The following FER1L6 variants were observed in gnomAD, a reference collection of about 807,000 sequenced individuals.
The protein encoded by FER1L6 is fer-1 like family member 6.
FER1L6 carries 177 observed loss-of-function variants against 219.2 expected under a neutral mutation model. The ratio of observed to expected loss-of-function variants is 0.81; its 90% CI spans 0.71 to 0.91. The LOEUF is 0.91. Ranked by LOEUF, FER1L6 falls within the 40% of genes least tolerant of loss-of-function variation. The probability of loss-of-function intolerance (pLI) is 0.00; values close to 1 mark genes in which losing one functional copy is unlikely to be tolerated. For synonymous variants in FER1L6, 768 were observed against 824.3 expected, an observed-to-expected ratio of 0.93 and a Z score of 1.17; for missense variants, 2,153 against 2,259.9, an observed-to-expected ratio of 0.95 and a Z score of 0.96.
At chr8:123,943,743 C>A (rs1410998322) in intron 1 of FER1L6, among the ~76,000 whole-genome samples, 1 of 152,042 alleles carries the variant, frequency 6.6e-6, no homozygotes, top group Non-Finnish European at 1.5e-5. Context: ...GCAGCCTGGG[C>A]TTCTGGAAGC....
At chr8:123,884,621 A>C (rs1817166923) in intron 1 of FER1L6, among the ~76,000 whole-genome samples, 1 of 152,238 alleles carries the variant, frequency 6.6e-6, no homozygotes, top group Admixed American at 6.5e-5. Context: ...CTGGGGTCCC[A>C]GAAGGAAAAA....
chr8:124,054,294 T>G (rs1419265362), intron 22 of FER1L6, among the ~76,000 whole-genome samples: 1 of 151,948 alleles, frequency 6.6e-6, no homozygotes, highest in Admixed American at 6.6e-5. Flanking sequence ...CAAAGTCTGG[T>G]TTTTTTTGGA....
chr8:123,934,801 G>T (rs1813918179), intron 1 of FER1L6, among the ~76,000 whole-genome samples: 1 of 152,094 alleles, frequency 6.6e-6, no homozygotes, highest in Non-Finnish European at 1.5e-5. Context: ...TGGATCATGG[G>T]GGTGGATTTC....
intron 18 of FER1L6, among the ~76,000 whole-genome samples, chr8:124,026,831 G>A (rs1337225505): frequency 6.6e-6 from 1 of 151,958 alleles, no homozygotes; most frequent in East Asian, 1.9e-4. Context: ...ATTTGTATTA[G>A]ATCACTAGGG....
intron 23 of FER1L6, 120 bp from the exon 24 acceptor site, chr8:124,060,428 T>C (rs1364087768): frequency 6.8e-7 from 1 of 1,462,556 alleles, no homozygotes; most frequent in East Asian, 2.3e-5. Flanking sequence ...GTGCAGTTCT[T>C]TCCTGGAGGA....
At chr8:124,005,178 A>G (rs572092720) in intron 13 of FER1L6, among the ~76,000 whole-genome samples, 7 of 152,272 alleles carry the variant, frequency 4.6e-5, no homozygotes, top group African/African-American at 1.7e-4. Flanking sequence ...AACAGCAACA[A>G]CACCTCCTAC....
At chr8:124,046,119 T>C in intron 21 of FER1L6, 1 of 482,192 alleles carries the variant, frequency 2.1e-6, no homozygotes, top group Non-Finnish European at 3.6e-6. Flanking sequence ...CTGACTTCCA[T>C]TTAAATGGCA....
chr8:123,935,806 A>G (rs1813964272), intron 1 of FER1L6, among the ~76,000 whole-genome samples: 1 of 152,016 alleles, frequency 6.6e-6, no homozygotes, highest in African/African-American at 2.4e-5. Flanking sequence ...CAATAGACCA[A>G]CTATAAGATT....
rs1247883881 is a variant in FER1L6, at chr8:124,017,696, T to A, written c.1991T>A (p.Leu664His). The A allele has an allele frequency of 6.2e-7, 1 of 1,613,676 alleles. No homozygotes were observed. The highest frequency in any genetic ancestry group is 1.3e-5 in the African/African-American group (1 of 75,030). ...CAAACCACTTTAGATAAGAAGCGAC[T>A]TACGCTCTGCTGGCAGGAGCTGGTA... ...LNQTTLDKKR[L>H]TLCWQELEAM... is the part of the protein sequence containing the mutation. The change falls in exon 16 of 41, where the codon CTT becomes CAT. Residue 664 changes from leucine to histidine, a missense_variant. Physicochemically the swap from Leu to His is moderately conservative, Grantham distance 99 (BLOSUM62 -3). Transcript: ENST00000522917.
At chr8:124,088,191 G>A (rs1821862296) in intron 33 of FER1L6, among the ~76,000 whole-genome samples, 1 of 152,126 alleles carries the variant, frequency 6.6e-6, no homozygotes, top group South Asian at 2.1e-4. Flanking sequence ...CTGGAGTTAG[G>A]AACCTTAGGA....
chr8:124,118,234 C>T (rs941923656), intron 39 of FER1L6, among the ~76,000 whole-genome samples: 1 of 152,312 alleles, frequency 6.6e-6, no homozygotes, highest in Non-Finnish European at 1.5e-5. Flanking sequence ...TCAAGACATA[C>T]ATCCCTGACA....
chr8:124,021,757 G>T (rs1818463003), intron 17 of FER1L6, 88 bp downstream of exon 17: 1 of 1,499,788 alleles, frequency 6.7e-7, no homozygotes, highest in Non-Finnish European at 9.2e-7. Context: ...GGTGAAATAT[G>T]AATCAATGTT....
intron 1 of FER1L6, among the ~76,000 whole-genome samples, chr8:123,935,519 C>G (rs181021460): frequency 2.8e-3 from 427 of 152,264 alleles, no homozygotes; most frequent in Non-Finnish European, 4.8e-3. Context: ...TTGGCAAAAA[C>G]AGCAGGTTTT....
intron 15 of FER1L6, 99 bp downstream of exon 15, chr8:124,013,630 G>T (rs970542987): frequency 1.0e-5 from 7 of 696,408 alleles, no homozygotes; most frequent in Non-Finnish European, 1.2e-5. Flanking sequence ...CATTCAAATG[G>T]GTGTTTTAGA....
intron 39 of FER1L6, among the ~76,000 whole-genome samples, chr8:124,118,261 G>A (rs1823331035): frequency 6.6e-6 from 1 of 152,128 alleles, no homozygotes; most frequent in African/African-American, 2.4e-5. Context: ...ATGGCATAGT[G>A]CTCTAAAGAA....
intron 1 of FER1L6, among the ~76,000 whole-genome samples, chr8:123,869,911 C>A (rs531237371): frequency 6.6e-6 from 1 of 152,306 alleles, no homozygotes; most frequent in South Asian, 2.1e-4. Flanking sequence ...GAGTCAATTG[C>A]TCTTTTACAA....
intron 1 of FER1L6, among the ~76,000 whole-genome samples, chr8:123,948,675 G>A (rs1408524572): frequency 6.6e-6 from 1 of 151,832 alleles, no homozygotes; most frequent in African/African-American, 2.4e-5. Context: ...TTGTTTCTAG[G>A]TATCCTGCTA....
At chr8:124,014,301 A>T (rs565431290) in intron 15 of FER1L6, 3 of 152,700 alleles carry the variant, frequency 2.0e-5, no homozygotes, top group African/African-American at 4.8e-5. Flanking sequence ...AAGATGAGGG[A>T]TGAAGCTGCA....
intron 39 of FER1L6, among the ~76,000 whole-genome samples, chr8:124,104,567 G>A (rs896025746): frequency 6.6e-6 from 1 of 152,214 alleles, no homozygotes; most frequent in East Asian, 1.9e-4. Flanking sequence ...GTACAGTATG[G>A]AGGCATAAAG....
Sources: allele counts gnomAD v4.1 joint callset (sites outside exome capture counted in the v4.1 genomes callset), GRCh38; gene constraint gnomAD v4.1.1; transcripts MANE v1.5; gene names NCBI Gene and HGNC (gene_info 2026-07-23, HGNC 2026-07-21).